Variants in CAPN15 observed in about 807,000 individuals in gnomAD.
CAPN15 encodes the protein calpain-15.
CAPN15 carries 53 observed loss-of-function variants against 97.9 expected under a neutral mutation model. The ratio of observed to expected loss-of-function variants is 0.54; its 90% CI spans 0.43 to 0.68. CAPN15 has a LOEUF of 0.68. CAPN15 is among the 30% of genes least tolerant of loss of function. The probability of loss-of-function intolerance (pLI) is 0.00; values close to 1 mark genes in which losing one functional copy is unlikely to be tolerated. For synonymous variants in CAPN15, 922 were observed against 722.5 expected (o/e 1.28, Z -4.43); for missense variants, 1,592 against 1,589.8 (o/e 1.00, Z -0.02).
Position 554,358 on chromosome 16 carries a change from T to C in CAPN15, c.*842T>C, listed in dbSNP as rs2035304164. On this transcript the variant is annotated 3_prime_UTR_variant, in exon 14 of 14. Coordinates refer to ENST00000219611, the MANE Select transcript of CAPN15 (RefSeq NM_005632.3). Reference sequence around the variant, plus strand: ...GAGCCCAGCTTTCTGCGTGCCCTCCTGGCCCCTCACTCCCGGCAGCGGGCC... The same window carrying C: ...GAGCCCAGCTTTCTGCGTGCCCTCCCGGCCCCTCACTCCCGGCAGCGGGCC... 1 of 385,984 alleles carries C rather than the reference T, an allele frequency of 2.6e-6. No individual in the cohort carries two copies. The highest frequency in any genetic ancestry group is 5.1e-6 in the Non-Finnish European group (1 of 194,662). The allele number at this position is 385,984 out of a possible 1,614,324, so 23.9% of individuals were successfully genotyped here. A position where few individuals can be genotyped will look rare whatever the true frequency, so the allele number is the denominator to read the frequency against.
rs911227993 is a variant in CAPN15, at chr16:540,236, A to C, written c.-23+4094A>C. 9 of 985,368 alleles carry C rather than the reference A, an allele frequency of 9.1e-6. No homozygotes were observed. In the African/African-American group the frequency reaches 1.6e-4, roughly 17 times the overall value. 61.0% of individuals were successfully genotyped at this position (985,368 alleles called of 1,614,324 possible). On this transcript the variant is annotated intron_variant, in intron 3 of 13. Coordinates refer to ENST00000219611, the MANE Select transcript of CAPN15 (RefSeq NM_005632.3). Reference sequence around the variant, plus strand: ...CTGGCCGCAGAGACCGAGTCGGACCACAGCTTCCCCGGGGGACCGCCCTAC... The same window carrying C: ...CTGGCCGCAGAGACCGAGTCGGACCCCAGCTTCCCCGGGGGACCGCCCTAC...
rs755940122 is a variant in CAPN15 at position 553,332 on chromosome 16, C to A, written c.3084-7C>A. Reference sequence around the variant, plus strand: ...CTCCACAGGTCCTCACCGGTCCCCTCCCCCAGGCAGGTCCTGGTGATCTTG... The same window carrying A: ...CTCCACAGGTCCTCACCGGTCCCCTACCCCAGGCAGGTCCTGGTGATCTTG... On this transcript the variant is annotated splice_region_variant and splice_polypyrimidine_tract_variant and intron_variant, in intron 13 of 13. Transcript: ENST00000219611. 2 of 1,595,710 alleles carry A rather than the reference C, an allele frequency of 1.3e-6. No individual in the cohort carries two copies. Among genetic ancestry groups the A allele is most frequent in the Non-Finnish European group, 1.7e-6 (2 of 1,169,514 alleles).
chr16:529,591 G>A (rs946990062), intron 1 of CAPN15, among the ~76,000 whole-genome samples: 4 of 152,252 alleles, frequency 2.6e-5, no homozygotes, highest in Non-Finnish European at 5.9e-5. Flanking sequence ...CACAGGTGTT[G>A]TTCATGGGCC....
rs374570916 is a variant in CAPN15, at chr16:552,374, G to A, written c.2581G>A (p.Gly861Ser). The A allele has an allele frequency of 9.9e-5, 158 of 1,602,230 alleles. No individual in the cohort carries two copies. The highest frequency in any genetic ancestry group is 1.7e-4 in the South Asian group (15 of 90,436). The change falls in exon 11 of 14, where the codon GGC (glycine) becomes AGC (serine). Residue 861 changes from glycine (G) to serine (S), a missense_variant. Transcript: ENST00000219611. This position sits in a 1 kb window ranked among gnomAD's most constrained non-coding sequence, Gnocchi z 6.4. ...LVFRATFGSG[G>S]HLSLGRLLAH... The stretch of plus-strand genomic sequence containing the variant: ...GTTCCGGGCCACGTTCGGCAGCGGC[G>A]GCCACCTCAGCCTGGGCCGCCTCCT...
At chr16:538,397 C>G (rs1252653015) in intron 3 of CAPN15, 1 of 152,206 alleles carries the variant, frequency 6.6e-6, no homozygotes, top group Non-Finnish European at 1.5e-5. Flanking sequence ...GCACCCCACA[C>G]TGGCCCCGTG....
Position 547,207 on chromosome 16 carries a change from CGAGGACAAGGACGAG to C in CAPN15, c.375_389del (p.Asp125_Glu129del). On this transcript the variant is annotated inframe_deletion, in exon 4 of 14. Transcript: ENST00000219611. Reference sequence around the variant, plus strand: ...CCACGGAGCCCGCCAGGGGGCAGTGCGAGGACAAGGACGAGGAGGAGAAGGAGGAGCAGGAGGAGG... The same window carrying C: ...CCACGGAGCCCGCCAGGGGGCAGTGCGAGGAGAAGGAGGAGCAGGAGGAGG... The C allele has an allele frequency of 6.5e-7, 1 of 1,530,130 alleles. No individual in the cohort carries two copies. Among genetic ancestry groups the C allele is most frequent in the East Asian group, 2.4e-5 (1 of 42,386 alleles). 94.8% of individuals were successfully genotyped at this position (1,530,130 alleles called of 1,614,324 possible).
chr16:534,094 G>T (rs1028558601), intron 2 of CAPN15, 96 bp downstream of exon 2: 49 of 527,074 alleles, frequency 9.3e-5, no homozygotes, highest in African/African-American at 8.6e-4. Context: ...CACGGCTGGG[G>T]GGCCTCTCGG....
At chr16:537,308 T>C in intron 3 of CAPN15, 1 of 985,520 alleles carries the variant, frequency 1.0e-6, no homozygotes, top group Non-Finnish European at 1.2e-6. Flanking sequence ...GGTGAGCAGC[T>C]CGCTTCCTGC....
chr16:529,677 G>A (rs913962134), intron 1 of CAPN15, among the ~76,000 whole-genome samples: 3 of 152,200 alleles, frequency 2.0e-5, no homozygotes, highest in Non-Finnish European at 4.4e-5. Flanking sequence ...GCGGTGTGAT[G>A]CCTCTACTCA....
intron 9 of CAPN15, 174 bp from the exon 10 acceptor site, chr16:551,877 G>C: frequency 1.0e-6 from 1 of 975,132 alleles, no homozygotes; most frequent in Non-Finnish European, 1.6e-6. Context: ...GCCGGCCCTG[G>C]AGGGCTTCCT....
intron 3 of CAPN15, among the ~76,000 whole-genome samples, chr16:545,231 G>A (rs2034504632): frequency 6.6e-6 from 1 of 151,974 alleles, no homozygotes; most frequent in African/African-American, 2.4e-5. Flanking sequence ...CCATGAACCT[G>A]CCCAGGCCCT....
intron 4 of CAPN15, among the ~76,000 whole-genome samples, chr16:548,520 C>G (rs913614925): frequency 2.0e-5 from 3 of 152,242 alleles, no homozygotes; most frequent in African/African-American, 7.2e-5. Flanking sequence ...CTTCACCCCC[C>G]TCAACCCTCC....
At chr16:534,784 C>A (rs1364777269) in intron 2 of CAPN15, among the ~76,000 whole-genome samples, 1 of 152,210 alleles carries the variant, frequency 6.6e-6, no homozygotes, top group Non-Finnish European at 1.5e-5. Context: ...GGGGCCCCCG[C>A]TTTCCATCTG....
At position 552,990 on chromosome 16, in the gene CAPN15, T is replaced by C; in HGVS notation, c.3032T>C (p.Val1011Ala). ...QCDCTDSFNV[V>A]STRGSLRTQD... ...GACTGCACCGACAGCTTCAACGTGGTGTCCACACGCGGCAGCCTGCGTACC... is the reference window on the plus strand; with the variant it reads ...GACTGCACCGACAGCTTCAACGTGGCGTCCACACGCGGCAGCCTGCGTACC... The change falls in exon 13 of 14, where the codon GTG becomes GCG. Residue 1011 changes from valine (V) to alanine (A), a missense_variant. By Grantham distance (64) the Val-to-Ala change is moderately conservative (BLOSUM62 0). Around this residue, in one of 3 missense-constraint regions of CAPN15, gnomAD observed 644 missense variants for 699.6 expected, o/e 0.92. Coordinates refer to ENST00000219611, the MANE Select transcript of CAPN15 (RefSeq NM_005632.3). This position sits in a 1 kb window ranked among gnomAD's most constrained non-coding sequence, Gnocchi z 6.4. 6.2e-7 allele frequency: 1 copy of C among 1,610,998 alleles called. No homozygotes were observed. Among genetic ancestry groups the C allele is most frequent in the Middle Eastern group, 1.7e-4 (1 of 6,046 alleles).
chr16:546,748 C>G lies in CAPN15; in HGVS notation c.-22-69C>G, dbSNP rs143127366. 12,659 of 1,478,926 alleles carry G rather than the reference C, an allele frequency of 8.6e-3. 84 individuals are homozygous for G. Among genetic ancestry groups the G allele is most frequent in the Non-Finnish European group, 9.8e-3 (10,919 of 1,113,456 alleles). The allele number at this position is 1,478,926 out of a possible 1,614,324, so 91.6% of individuals were successfully genotyped here. ...CCACAGACGGGTGCCTTCCCCAGGC[C>G]GAGAGGAGGGTGGGGTCCAGCCACT... is the stretch of plus-strand genomic sequence containing the variant. On this transcript the variant is annotated intron_variant, in intron 3 of 13. Transcript: ENST00000219611.
chr16:546,525 A>ACT (rs1367168875), intron 3 of CAPN15, among the ~76,000 whole-genome samples: 1 of 152,186 alleles, frequency 6.6e-6, no homozygotes, highest in Non-Finnish European at 1.5e-5. Flanking sequence ...GTGACAGAGA[A>ACT]AGCAGTGCCC....
chr16:552,273 T>G lies in CAPN15; in HGVS notation c.2508-28T>G, dbSNP rs1176234634. ...CTAGGCTGGCGGCCGTGACCACGCG[T>G]GACCCTGGCCCGTGGTGTCTGGCGC... On this transcript the variant is annotated intron_variant, in intron 10 of 13. Coordinates refer to ENST00000219611, the MANE Select transcript of CAPN15 (RefSeq NM_005632.3). The surrounding 1 kb of genome is among the most constrained non-coding windows in gnomAD (Gnocchi z 6.4). 3.2e-6 allele frequency: 5 copies of G among 1,539,286 alleles called. No individual in the cohort carries two copies. Among genetic ancestry groups the G allele is most frequent in the Non-Finnish European group, 4.4e-6 (5 of 1,143,700 alleles).
Position 554,181 on chromosome 16 carries a change from C to T in CAPN15, c.*665C>T, listed in dbSNP as rs2142094315. The T allele has an allele frequency of 3.4e-6, 1 of 289,970 alleles. No homozygotes were observed. Among genetic ancestry groups the T allele is most frequent in the South Asian group, 3.5e-5 (1 of 28,964 alleles). 18.0% of individuals were successfully genotyped at this position (289,970 alleles called of 1,614,324 possible). On this transcript the variant is annotated 3_prime_UTR_variant, in exon 14 of 14. Coordinates refer to ENST00000219611, the MANE Select transcript of CAPN15 (RefSeq NM_005632.3). ...GGGCACCAGTTCTCAGCACCGCTCA[C>T]TGCTGCCGGGCACACTGGGACCAGC...
Position 554,321 on chromosome 16 carries a change from G to A in CAPN15, c.*805G>A. ...CACCTCCCCACAGAAGCCCAGGAGT[G>A]TGTGGACGTCTGAGCCCAGCTTTCT... is the stretch of plus-strand genomic sequence containing the variant. On this transcript the variant is annotated 3_prime_UTR_variant, in exon 14 of 14. Coordinates refer to ENST00000219611, the MANE Select transcript of CAPN15 (RefSeq NM_005632.3). 1 of 364,132 alleles carries A rather than the reference G, an allele frequency of 2.7e-6. No individual in the cohort carries two copies. The highest frequency in any genetic ancestry group is 3.6e-5 in the Admixed American group (1 of 27,586). 22.6% of individuals were successfully genotyped at this position (364,132 alleles called of 1,614,324 possible). A position where few individuals can be genotyped will look rare whatever the true frequency, so the allele number is the denominator to read the frequency against.
Sources: gnomAD v4.1 joint callset for allele counts (sites outside exome capture counted in the v4.1 genomes callset) on GRCh38, gnomAD v4.1.1 for gene constraint, gnomAD v4.1.1 regional missense constraint, Gnocchi (gnomAD v3.1) non-coding constraint, MANE v1.5 for transcripts, NCBI Gene and HGNC (gene_info 2026-07-23, HGNC 2026-07-21) for gene names.